Variants in EFCAB3 observed in about 807,000 individuals in gnomAD.
The protein encoded by EFCAB3 is EF-hand calcium-binding domain-containing protein 3.
EFCAB3 carries 36 observed loss-of-function variants against 42.2 expected under a neutral mutation model. The ratio of observed to expected loss-of-function variants is 0.85; its 90% CI spans 0.65 to 1.13. EFCAB3 has a LOEUF of 1.13. EFCAB3 is among the 50% of genes most tolerant of loss of function. The pLI is 0.00. For missense variants in EFCAB3, 418 were observed against 505.1 expected (o/e 0.83, Z 1.65); for synonymous variants, 170 against 172.8 (o/e 0.98, Z 0.13).
At chr17:62,385,574 G>A (rs2070241372) in intron 2 of EFCAB3, among the ~76,000 whole-genome samples, 1 of 152,148 alleles carries the variant, frequency 6.6e-6, no homozygotes, top group Non-Finnish European at 1.5e-5. Flanking sequence ...GTTAAGAACA[G>A]TTTTGAGACT....
chr17:62,372,656 C>T (rs1176887381), intron 1 of EFCAB3, among the ~76,000 whole-genome samples: 4 of 152,158 alleles, frequency 2.6e-5, no homozygotes, highest in African/African-American at 9.7e-5. Flanking sequence ...AAAATTACTC[C>T]TTTAATAATT....
intron 1 of EFCAB3, among the ~76,000 whole-genome samples, chr17:62,382,230 G>A (rs1210498595): frequency 6.6e-6 from 1 of 152,100 alleles, no homozygotes; most frequent in African/African-American, 2.4e-5. Context: ...ATGCTCTACT[G>A]ATTTCATAAT....
chr17:62,406,180 C>T (rs757768691), intron 6 of EFCAB3, among the ~76,000 whole-genome samples: 1 of 151,690 alleles, frequency 6.6e-6, no homozygotes, highest in Non-Finnish European at 1.5e-5. Flanking sequence ...TCCAGCCTGG[C>T]AACATAACAA....
chr17:62,397,764 GT>G, intron 6 of EFCAB3: 1 of 406,832 alleles, frequency 2.5e-6, no homozygotes, highest in Non-Finnish European at 4.7e-6. Flanking sequence ...GTGGCTCATT[GT>G]TGTAATCCCA....
chr17:62,388,370 G>C (rs1218589075), intron 3 of EFCAB3, among the ~76,000 whole-genome samples: 2 of 152,172 alleles, frequency 1.3e-5, no homozygotes, highest in Non-Finnish European at 2.9e-5. Context: ...GCTGAATGAC[G>C]AACAGGAGTA....
intron 4 of EFCAB3, among the ~76,000 whole-genome samples, chr17:62,392,244 TACACC>T (rs1400534719): frequency 1.3e-5 from 2 of 150,916 alleles, no homozygotes; most frequent in East Asian, 3.9e-4. Flanking sequence ...TATCTATGTA[TACACC>T]ACACACACAC....
intron 2 of EFCAB3, among the ~76,000 whole-genome samples, chr17:62,384,253 T>C (rs2070229018): frequency 6.6e-6 from 1 of 152,196 alleles, no homozygotes; most frequent in African/African-American, 2.4e-5. Context: ...TTTGAAACTT[T>C]GAAAAATAAA....
intron 6 of EFCAB3, chr17:62,397,387 T>C (rs2070359119): frequency 7.8e-6 from 3 of 386,520 alleles, no homozygotes; most frequent in Non-Finnish European, 9.9e-6. Flanking sequence ...AGGCCCGTGG[T>C]GCCAGCAGGA....
Position 62,380,612 on chromosome 17 carries a change from A to G in EFCAB3, c.-19A>G. 1 of 985,110 alleles carries G rather than the reference A, an allele frequency of 1.0e-6. No homozygotes were observed. Among genetic ancestry groups the G allele is most frequent in the Non-Finnish European group, 1.2e-6 (1 of 829,638 alleles). The allele number at this position is 985,110 out of a possible 1,614,324, so 61.0% of individuals were successfully genotyped here. A position where few individuals can be genotyped will look rare whatever the true frequency, so the allele number is the denominator to read the frequency against. ...GTGGTAGGTAGCACGGCTTAAAAGT[A>G]GGTAAATATCGTGATTTTGTAGGAT... On this transcript the variant is annotated splice_region_variant and 5_prime_UTR_variant, in exon 1 of 10. Coordinates refer to ENST00000305286, the MANE Select transcript of EFCAB3 (RefSeq NM_173503.4).
chr17:62,383,213 C>T (rs2144061154), intron 2 of EFCAB3, 160 bp downstream of exon 2: 1 of 598,302 alleles, frequency 1.7e-6, no homozygotes, highest in South Asian at 2.5e-5. Context: ...CAGTGGCTCA[C>T]ACCTGTAATC....
chr17:62,378,021 G>A (rs1269002922), upstream of EFCAB3: 1 of 1,548,638 alleles, frequency 6.5e-7, no homozygotes, highest in South Asian at 1.2e-5. Context: ...TATTAAAGGT[G>A]AGTGTGAAAG....
Position 62,407,020 on chromosome 17 carries a change from C to G in EFCAB3, c.683-8C>G, listed in dbSNP as rs762424829. 1.9e-6 allele frequency: 3 copies of G among 1,566,892 alleles called. No individual in the cohort carries two copies. The highest frequency in any genetic ancestry group is 2.6e-6 in the Non-Finnish European group (3 of 1,162,090). On this transcript the variant is annotated splice_region_variant and splice_polypyrimidine_tract_variant and intron_variant, in intron 7 of 9. Transcript: ENST00000305286. ...TTTGTGATACCATTTTTGTTTTTAT[C>G]TTTTTAGGATGCAATTCCGGTTCAG...
intron 6 of EFCAB3, among the ~76,000 whole-genome samples, chr17:62,399,374 C>T (rs536618602): frequency 6.6e-6 from 1 of 152,112 alleles, no homozygotes; most frequent in Admixed American, 6.6e-5. Context: ...CACTATGATG[C>T]CCAGGCTGGT....
At chr17:62,380,767 T>A in intron 1 of EFCAB3, 154 bp downstream of exon 1, 1 of 236,308 alleles carries the variant, frequency 4.2e-6, no homozygotes, top group Non-Finnish European at 6.9e-6. Context: ...GTTGAGCCAT[T>A]CTGGTGTTCC....
chr17:62,383,145 C>A, intron 2 of EFCAB3, 92 bp downstream of exon 2: 2 of 1,222,592 alleles, frequency 1.6e-6, no homozygotes, highest in Non-Finnish European at 1.1e-6. Context: ...GCAGGTTTTC[C>A]GATCTTTACT....
At chr17:62,376,885 T>C (rs1459047337), upstream of EFCAB3, among the ~76,000 whole-genome samples, 1 of 152,188 alleles carries the variant, frequency 6.6e-6, no homozygotes, top group Non-Finnish European at 1.5e-5. Flanking sequence ...AAGTCTAACA[T>C]ACATTTAGAA....
chr17:62,414,074 A>G (rs2070523301), intron 9 of EFCAB3, among the ~76,000 whole-genome samples: 1 of 152,238 alleles, frequency 6.6e-6, no homozygotes, highest in African/African-American at 2.4e-5. Flanking sequence ...CTATTCACCT[A>G]TGCAGCTATA....
chr17:62,392,092 T>A (rs1598011675), intron 4 of EFCAB3, 127 bp downstream of exon 4: 7 of 604,056 alleles, frequency 1.2e-5, no homozygotes, highest in Non-Finnish European at 1.7e-5. Flanking sequence ...ATATATATAT[T>A]TGTGTGTATA....
chr17:62,400,643 G>A (rs1032674421), intron 6 of EFCAB3, among the ~76,000 whole-genome samples: 9 of 152,110 alleles, frequency 5.9e-5, no homozygotes, highest in South Asian at 2.1e-4. Flanking sequence ...GGACATTTGC[G>A]TTGGTTCCAA....
Sources: allele counts gnomAD v4.1 joint callset (sites outside exome capture counted in the v4.1 genomes callset), GRCh38; gene constraint gnomAD v4.1.1; transcripts MANE v1.5; gene names NCBI Gene and HGNC (gene_info 2026-07-23, HGNC 2026-07-21).